The following EFCAB11 variants were observed in gnomAD, a reference collection of about 807,000 sequenced individuals.
The protein encoded by EFCAB11 is EF-hand calcium binding domain 11, also known as EF-hand calcium-binding domain-containing protein 11.
EFCAB11 carries 14 observed loss-of-function variants against 23.0 expected under a neutral mutation model. The observed-to-expected ratio is 0.61, with a 90% CI of 0.40 to 0.95. EFCAB11 has a LOEUF of 0.95. Among genes scored for constraint, EFCAB11 ranks in the 40% least tolerant of loss-of-function variants. The probability of loss-of-function intolerance (pLI) is 0.00; values close to 1 mark genes in which losing one functional copy is unlikely to be tolerated. For synonymous variants in EFCAB11, 65 were observed against 66.6 expected (o/e 0.98, Z 0.11); for missense variants, 198 against 195.8 (o/e 1.01, Z -0.07).
chr14:89,808,081 T>C (rs894900972), intron 5 of EFCAB11, among the ~76,000 whole-genome samples: 3 of 152,178 alleles, frequency 2.0e-5, no homozygotes, highest in Admixed American at 1.3e-4. Flanking sequence ...GAGCCTGCTT[T>C]GTGTTCAACA....
chr14:89,865,596 G>C (rs1364414216), intron 5 of EFCAB11, among the ~76,000 whole-genome samples: 1 of 151,948 alleles, frequency 6.6e-6, no homozygotes, highest in Non-Finnish European at 1.5e-5. Flanking sequence ...CAACCTCCTG[G>C]GCTCAAGTGA....
At chr14:89,931,786 T>C (rs1043534598) in intron 4 of EFCAB11, among the ~76,000 whole-genome samples, 155 bp from the exon 5 acceptor site, 1 of 152,228 alleles carries the variant, frequency 6.6e-6, no homozygotes, top group African/African-American at 2.4e-5. Flanking sequence ...TCTGAGATTG[T>C]CTCATCGGAA....
intron 5 of EFCAB11, among the ~76,000 whole-genome samples, chr14:89,868,133 C>T (rs1888154977): frequency 6.6e-6 from 1 of 152,184 alleles, no homozygotes; most frequent in African/African-American, 2.4e-5. Flanking sequence ...GTCTCTTGCA[C>T]AGGGGAAAAC....
chr14:89,884,878 C>T (rs1888706303), intron 5 of EFCAB11, among the ~76,000 whole-genome samples: 1 of 152,172 alleles, frequency 6.6e-6, no homozygotes, highest in African/African-American at 2.4e-5. Context: ...AGAGATCCCC[C>T]ACTCTGTGCA....
intron 5 of EFCAB11, among the ~76,000 whole-genome samples, chr14:89,911,025 T>C (rs1372202381): frequency 6.6e-6 from 1 of 152,226 alleles, no homozygotes; most frequent in East Asian, 1.9e-4. Context: ...ACACACACTA[T>C]GGATCAGGCT....
At chr14:89,855,611 A>AT (rs35306166) in intron 5 of EFCAB11, among the ~76,000 whole-genome samples, 3,115 of 152,188 alleles carry the variant, frequency 0.02, 100 homozygotes, top group African/African-American at 0.072. Context: ...ACAGTTACCC[A>AT]TTTTTTTGTT....
chr14:89,948,369 T>C (rs1891050532), intron 3 of EFCAB11, among the ~76,000 whole-genome samples: 1 of 152,182 alleles, frequency 6.6e-6, no homozygotes, highest in Non-Finnish European at 1.5e-5. Context: ...AGGGAGCTCT[T>C]ATTAAACTGC....
Position 89,870,767 on chromosome 14 carries a change from TAAA to T in EFCAB11, c.410+60771_410+60773del, listed in dbSNP as rs56920547. Reference sequence around the variant, plus strand: ...CAATATGGTGACACCTCATCTCTACTAAAAAAAAAAAAAAAAAAAAAAAATTAG... The same window carrying T: ...CAATATGGTGACACCTCATCTCTACTAAAAAAAAAAAAAAAAAAAAATTAG... On this transcript the variant is annotated intron_variant, in intron 5 of 5. Coordinates refer to ENST00000316738, the MANE Select transcript of EFCAB11 (RefSeq NM_145231.4). Among the ~76,000 whole-genome samples the T allele has an allele frequency of 9.1e-4, 94 of 102,948 alleles. 1 individual carries two copies. The highest frequency in any genetic ancestry group is 2.8e-3 in the African/African-American group (78 of 27,656). 67.5% of individuals were successfully genotyped at this position (102,948 alleles called of 152,430 possible).
chr14:89,810,598 A>T (rs1886119150), intron 5 of EFCAB11, among the ~76,000 whole-genome samples: 6 of 152,078 alleles, frequency 3.9e-5, no homozygotes, highest in Admixed American at 2.6e-4. Flanking sequence ...TCTACTAAAA[A>T]TACAAAAATT....
intron 5 of EFCAB11, among the ~76,000 whole-genome samples, chr14:89,810,806 C>T (rs1302236148): frequency 4.0e-5 from 6 of 151,650 alleles, no homozygotes; most frequent in African/African-American, 1.5e-4. Context: ...ACTCATTCAC[C>T]AGGCAAACAC....
chr14:89,931,481 A>G, intron 5 of EFCAB11, 60 bp downstream of exon 5: 2 of 1,442,692 alleles, frequency 1.4e-6, no homozygotes, highest in South Asian at 1.2e-5. Context: ...TAAAGTCAAA[A>G]ACATGTAAAA....
chr14:89,819,862 A>G (rs1028872425), intron 5 of EFCAB11, among the ~76,000 whole-genome samples: 2 of 152,214 alleles, frequency 1.3e-5, no homozygotes, highest in Non-Finnish European at 2.9e-5. Context: ...ATTACACATC[A>G]GTTATATCAC....
intron 5 of EFCAB11, among the ~76,000 whole-genome samples, chr14:89,833,619 T>A (rs1886960047): frequency 6.6e-6 from 1 of 152,176 alleles, no homozygotes; most frequent in South Asian, 2.1e-4. Flanking sequence ...AAGTTCTGAG[T>A]ATGGAACATG....
At chr14:89,912,621 T>G (rs1889714839) in intron 5 of EFCAB11, among the ~76,000 whole-genome samples, 1 of 152,256 alleles carries the variant, frequency 6.6e-6, no homozygotes, top group African/African-American at 2.4e-5. Context: ...AAATGCATAT[T>G]TAAAGCCATA....
At chr14:89,859,584 G>C (rs1158716892) in intron 5 of EFCAB11, among the ~76,000 whole-genome samples, 1 of 152,150 alleles carries the variant, frequency 6.6e-6, no homozygotes, top group Admixed American at 6.5e-5. Context: ...GAACCACCAG[G>C]GTGGACAATA....
At chr14:89,806,840 T>C in intron 5 of EFCAB11, among the ~76,000 whole-genome samples, 1 of 152,224 alleles carries the variant, frequency 6.6e-6, no homozygotes, top group Non-Finnish European at 1.5e-5. Flanking sequence ...AGCCAGATCT[T>C]AGTTATACAA....
intron 5 of EFCAB11, among the ~76,000 whole-genome samples, chr14:89,893,636 T>A (rs1214302333): frequency 6.6e-6 from 1 of 152,128 alleles, no homozygotes; most frequent in Non-Finnish European, 1.5e-5. Context: ...CCCAACTTTA[T>A]CAGTCTCTGT....
Position 89,931,523 on chromosome 14 carries a change from A to C in EFCAB11, c.410+18T>G, listed in dbSNP as rs531010290. 10 of 1,602,618 alleles carry C rather than the reference A, an allele frequency of 6.2e-6. No homozygotes were observed. In the East Asian group the frequency reaches 2.0e-4, roughly 32 times the overall value. The stretch of plus-strand genomic sequence containing the variant: ...GGTAAATCAAAAGGTGGTGTACAGA[A>C]GGATTTTGATGCCTTACCTGAATAC... On this transcript the variant is annotated intron_variant, in intron 5 of 5. Coordinates refer to ENST00000316738, the MANE Select transcript of EFCAB11 (RefSeq NM_145231.4).
intron 5 of EFCAB11, among the ~76,000 whole-genome samples, chr14:89,820,846 A>C (rs1484249150): frequency 6.6e-6 from 1 of 151,956 alleles, no homozygotes; most frequent in Non-Finnish European, 1.5e-5. Context: ...CAGTCTAGAC[A>C]TTGCTATGAA....
Sources: gnomAD v4.1 joint callset for allele counts (sites outside exome capture counted in the v4.1 genomes callset) on GRCh38, gnomAD v4.1.1 for gene constraint, MANE v1.5 for transcripts, NCBI Gene and HGNC (gene_info 2026-07-23, HGNC 2026-07-21) for gene names.